The following HOOK1 variants were observed in gnomAD, a reference collection of about 807,000 sequenced individuals.
HOOK1 encodes protein Hook homolog 1.
A neutral mutation model predicts 112.8 loss-of-function variants in HOOK1; 60 were observed. That is an observed-to-expected ratio of 0.53 (90% confidence interval 0.43 to 0.66). The LOEUF (loss-of-function observed/expected upper bound fraction) is 0.66, where lower values mean the gene tolerates loss of function less well. Ranked by LOEUF, HOOK1 falls within the 30% of genes least tolerant of loss-of-function variation. The pLI is 0.00. For synonymous variants in HOOK1, 294 were observed against 283.8 expected (o/e 1.04, Z -0.36); for missense variants, 770 against 856.0 (o/e 0.90, Z 1.25).
chr1:59,816,143 G>A (rs1346344682), intron 1 of HOOK1, among the ~76,000 whole-genome samples: 1 of 152,126 alleles, frequency 6.6e-6, no homozygotes, highest in South Asian at 2.1e-4. Flanking sequence ...GTAAACAGAC[G>A]GGATCAGGAG....
At chr1:59,872,652 T>TTC in intron 21 of HOOK1, 143 bp from the exon 22 acceptor site, 2 of 455,790 alleles carry the variant, frequency 4.4e-6, no homozygotes, top group South Asian at 2.4e-4. Context: ...ATTAATCAGC[T>TTC]TCTGAACCCT....
At position 59,822,816 on chromosome 1, in the gene HOOK1, C is replaced by T. The variant is rs2098386587; in HGVS notation, c.149+873C>T. On this transcript the variant is annotated intron_variant, in intron 2 of 21. Coordinates refer to ENST00000371208, the MANE Select transcript of HOOK1 (RefSeq NM_015888.6). ...ACCCTTTAGATGGGTTAACAAAAAT[C>T]CTATGCCTGTCTTAGAAAAACAATT... Among the ~76,000 whole-genome samples the T allele has an allele frequency of 3.3e-5, 5 of 152,292 alleles. No individual in the cohort carries two copies. The South Asian group carries it at 1.0e-3, about 32-fold the overall frequency.
chr1:59,815,460 A>C (rs2098380604), intron 1 of HOOK1: 1 of 497,722 alleles, frequency 2.0e-6, no homozygotes, highest in Admixed American at 3.7e-5. Context: ...TGGTGCCCTA[A>C]CAGCTGGGAT....
chr1:59,822,943 C>T (rs1344988144), intron 2 of HOOK1, among the ~76,000 whole-genome samples: 1 of 152,212 alleles, frequency 6.6e-6, no homozygotes, highest in Non-Finnish European at 1.5e-5. Flanking sequence ...AAAAGACAAA[C>T]TTAACTAACA....
intron 12 of HOOK1, among the ~76,000 whole-genome samples, chr1:59,854,011 TATATATATATATATATATATATATATA>T (rs1559056828): frequency 1.6e-3 from 30 of 18,300 alleles, no homozygotes; most frequent in South Asian, 6.9e-3. Flanking sequence ...AATATATATA[TATATATATATATATATATATATATATA>T]TTTTTTTTTT....
intron 9 of HOOK1, among the ~76,000 whole-genome samples, chr1:59,845,980 G>C (rs573241043): frequency 1.3e-5 from 2 of 151,820 alleles, no homozygotes; most frequent in East Asian, 3.9e-4. Flanking sequence ...AACACAATTT[G>C]GACCTATGGT....
intron 7 of HOOK1, 119 bp from the exon 8 acceptor site, chr1:59,840,189 T>C: frequency 2.0e-6 from 1 of 509,674 alleles, no homozygotes; most frequent in Non-Finnish European, 3.2e-6. Context: ...TTAGGTAAAT[T>C]CAAAAAATAA....
At chr1:59,862,995 A>G in intron 16 of HOOK1, 118 bp downstream of exon 16, 1 of 608,600 alleles carries the variant, frequency 1.6e-6, no homozygotes, top group Non-Finnish European at 3.0e-6. Context: ...AATACCCTTA[A>G]ATACCGTATA....
At chr1:59,844,688 T>C (rs1268363519) in intron 9 of HOOK1, among the ~76,000 whole-genome samples, 1 of 151,992 alleles carries the variant, frequency 6.6e-6, no homozygotes, top group African/African-American at 2.4e-5. Flanking sequence ...ATATAGAGAA[T>C]TCCTATCTAT....
At chr1:59,834,817 A>G (rs1002773126) in intron 5 of HOOK1, among the ~76,000 whole-genome samples, 4 of 151,754 alleles carry the variant, frequency 2.6e-5, no homozygotes, top group African/African-American at 4.8e-5. Context: ...CTTTGATTCT[A>G]TTTTGTTTTT....
intron 9 of HOOK1, among the ~76,000 whole-genome samples, chr1:59,846,588 TCCC>T (rs746614360): frequency 7.0e-4 from 62 of 88,498 alleles, no homozygotes; most frequent in African/African-American, 2.8e-3. Flanking sequence ...CCTTCCTTCC[TCCC>T]TCCTCCCTCC....
At chr1:59,855,950 A>G (rs2098410275) in intron 12 of HOOK1, among the ~76,000 whole-genome samples, 1 of 97,562 alleles carries the variant, frequency 1.0e-5, no homozygotes, top group Non-Finnish European at 1.9e-5. Flanking sequence ...ATTTATATAT[A>G]TATATATATA....
intron 7 of HOOK1, among the ~76,000 whole-genome samples, chr1:59,838,480 G>A (rs2098399209): frequency 6.6e-6 from 1 of 152,110 alleles, no homozygotes; most frequent in Non-Finnish European, 1.5e-5. Flanking sequence ...TCCGTTCGCT[G>A]CATAAATGTC....
chr1:59,854,979 G>A (rs1018461849), intron 12 of HOOK1, among the ~76,000 whole-genome samples: 1 of 152,174 alleles, frequency 6.6e-6, no homozygotes, highest in African/African-American at 2.4e-5. Flanking sequence ...GAAACAGCCA[G>A]TGAGGTGTCC....
At chr1:59,851,767 A>G (rs927825309) in intron 12 of HOOK1, among the ~76,000 whole-genome samples, 2 of 151,634 alleles carry the variant, frequency 1.3e-5, no homozygotes, top group African/African-American at 2.4e-5. Context: ...ATTTTTCACC[A>G]TTATGTATGA....
In HOOK1 at chr1:59,873,535, A is replaced by G. The variant is rs1644089893; in HGVS notation, c.*570A>G. 1 of 151,806 alleles carries G rather than the reference A, an allele frequency of 6.6e-6. No individual in the cohort carries two copies. Among genetic ancestry groups the G allele is most frequent in the Admixed American group, 6.6e-5 (1 of 15,224 alleles). 9.4% of individuals were successfully genotyped at this position (151,806 alleles called of 1,614,324 possible). A position where few individuals can be genotyped will look rare whatever the true frequency, so the allele number is the denominator to read the frequency against. ...TCATGGAAGATACAACATTTGGAAG[A>G]TCTGACAATTGGAATGACTTTGGAA... On this transcript the variant is annotated 3_prime_UTR_variant, in exon 22 of 22. Transcript: ENST00000371208.
intron 1 of HOOK1, among the ~76,000 whole-genome samples, chr1:59,820,514 C>A (rs182739268): frequency 6.6e-6 from 1 of 152,312 alleles, no homozygotes; most frequent in African/African-American, 2.4e-5. Flanking sequence ...TATCTCTTCT[C>A]ATGTATCTGT....
chr1:59,854,036 A>G (rs11207524), intron 12 of HOOK1, among the ~76,000 whole-genome samples: 3 of 11,404 alleles, frequency 2.6e-4, no homozygotes, highest in Non-Finnish European at 4.1e-4. Flanking sequence ...ATATATATAT[A>G]TATTTTTTTT....
chr1:59,868,194 A>G lies in HOOK1; in HGVS notation c.1846-56A>G, dbSNP rs1044066547. 9 of 920,028 alleles carry G rather than the reference A, an allele frequency of 9.8e-6. No homozygotes were observed. The African/African-American group carries it at 1.2e-4, about 12-fold the overall frequency. 57.0% of individuals were successfully genotyped at this position (920,028 alleles called of 1,614,324 possible). A position where few individuals can be genotyped will look rare whatever the true frequency, so the allele number is the denominator to read the frequency against. On this transcript the variant is annotated intron_variant, in intron 19 of 21. Coordinates refer to ENST00000371208, the MANE Select transcript of HOOK1 (RefSeq NM_015888.6). ...ACACAGTTTTTGTAAGATATGTTCTATATGTTTTAATACTTTAAAATATAA... is the reference window on the plus strand; with the variant it reads ...ACACAGTTTTTGTAAGATATGTTCTGTATGTTTTAATACTTTAAAATATAA...
Sources: allele counts gnomAD v4.1 joint callset (sites outside exome capture counted in the v4.1 genomes callset), GRCh38; gene constraint gnomAD v4.1.1; transcripts MANE v1.5; gene names NCBI Gene and HGNC (gene_info 2026-07-23, HGNC 2026-07-21).